The following ACOT12 variants were observed in gnomAD, a reference collection of about 807,000 sequenced individuals.
The protein encoded by ACOT12 is acyl-CoA thioesterase 12.
A neutral mutation model predicts 67.7 loss-of-function variants in ACOT12; 51 were observed. That is an observed-to-expected ratio of 0.75 (90% CI 0.60 to 0.95). The LOEUF is 0.95. ACOT12 is among the 40% of genes least tolerant of loss of function. The probability of loss-of-function intolerance (pLI) is 0.00; values close to 1 mark genes in which losing one functional copy is unlikely to be tolerated. For synonymous variants in ACOT12, 251 were observed against 244.6 expected (o/e 1.03, Z -0.24); for missense variants, 734 against 708.1 (o/e 1.04, Z -0.41).
At chr5:81,369,301 G>A (rs1183915087) in intron 3 of ACOT12, among the ~76,000 whole-genome samples, 1 of 152,166 alleles carries the variant, frequency 6.6e-6, no homozygotes, top group Non-Finnish European at 1.5e-5. Context: ...CTGGAAGTAG[G>A]TTTGGCACAG....
intron 2 of ACOT12, 150 bp from the exon 3 acceptor site, chr5:81,371,960 G>A: frequency 1.5e-6 from 1 of 676,348 alleles, no homozygotes. Context: ...TAATGATAAT[G>A]GAAAAAGACA....
chr5:81,345,171 T>A, intron 7 of ACOT12, 130 bp from the exon 8 acceptor site: 1 of 1,261,664 alleles, frequency 7.9e-7, no homozygotes, highest in African/African-American at 1.5e-5. Flanking sequence ...GGGCCTGGGT[T>A]TTCTTGTTTG....
At chr5:81,343,390 C>T (rs1257238293) in intron 10 of ACOT12, among the ~76,000 whole-genome samples, 1 of 152,212 alleles carries the variant, frequency 6.6e-6, no homozygotes, top group Non-Finnish European at 1.5e-5. Flanking sequence ...TGAGCAAAGA[C>T]AGACTACCTT....
At chr5:81,373,581 C>T (rs1191071586) in intron 2 of ACOT12, among the ~76,000 whole-genome samples, 1 of 152,144 alleles carries the variant, frequency 6.6e-6, no homozygotes, top group Non-Finnish European at 1.5e-5. Flanking sequence ...CTTGGCGGGT[C>T]CCACGCTCAC....
Position 81,335,921 on chromosome 5 carries a change from T to A in ACOT12, c.1129-20A>T, listed in dbSNP as rs376835484. On this transcript the variant is annotated intron_variant, in intron 11 of 14. Transcript: ENST00000307624. ...TTTTATCTAAAAGACAACAAAAAAA[T>A]TAAATTACGAAAGAAAACTGATGCT... 3.8e-4 allele frequency: 610 copies of A among 1,589,958 alleles called. No homozygotes were observed. The highest frequency in any genetic ancestry group is 9.2e-4 in the South Asian group (79 of 86,236).
chr5:81,359,643 C>T (rs1053484175), intron 5 of ACOT12, among the ~76,000 whole-genome samples: 1 of 152,204 alleles, frequency 6.6e-6, no homozygotes, highest in African/African-American at 2.4e-5. Flanking sequence ...TACATGCTTA[C>T]TAATGACTGC....
intron 1 of ACOT12, among the ~76,000 whole-genome samples, chr5:81,390,509 T>C (rs1760834096): frequency 6.6e-6 from 1 of 151,188 alleles, no homozygotes; most frequent in Non-Finnish European, 1.5e-5. Context: ...TCTTTTTCTT[T>C]TGAGATGGAG....
At chr5:81,390,315 T>C (rs1760830595) in intron 1 of ACOT12, among the ~76,000 whole-genome samples, 1 of 151,358 alleles carries the variant, frequency 6.6e-6, no homozygotes, top group Admixed American at 6.6e-5. Context: ...ATAATTTATA[T>C]TGATGTATTT....
In ACOT12 at chr5:81,364,671, C is replaced by T. The variant is rs1760021785; in HGVS notation, c.259-782G>A. Among the ~76,000 whole-genome samples, 3 of 152,170 alleles carry T rather than the reference C, an allele frequency of 2.0e-5. No individual in the cohort carries two copies. The South Asian group carries it at 6.2e-4, about 32-fold the overall frequency. On this transcript the variant is annotated intron_variant, in intron 3 of 14. Transcript: ENST00000307624. ...CTCGATCTCATGACCTCATGATCCA[C>T]CCACTTCGGCCTCCCAAAGTGCTGG...
chr5:81,344,864 A>G (rs954330170), intron 8 of ACOT12, 27 bp downstream of exon 8: 14 of 1,613,130 alleles, frequency 8.7e-6, no homozygotes, highest in Non-Finnish European at 1.2e-5. Context: ...AGGTCCGGCT[A>G]TTGAACCTCG....
At chr5:81,377,314 T>A (rs774570353) in intron 2 of ACOT12, among the ~76,000 whole-genome samples, 2 of 152,138 alleles carry the variant, frequency 1.3e-5, no homozygotes, top group Non-Finnish European at 2.9e-5. Flanking sequence ...AAATTCTCAA[T>A]AAACTGATAT....
chr5:81,314,297 GT>G, the ACOT12 span, among the ~76,000 whole-genome samples: 1 of 152,120 alleles, frequency 6.6e-6, no homozygotes, highest in East Asian at 1.9e-4. Context: ...TAGAGATGGG[GT>G]TTCACCATGT....
intron 9 of ACOT12, 120 bp from the exon 10 acceptor site, chr5:81,344,001 A>G: frequency 8.3e-7 from 1 of 1,206,508 alleles, no homozygotes; most frequent in South Asian, 1.4e-5. Context: ...ACAACGTGGA[A>G]GAACTATTTC....
At chr5:81,389,107 A>G (rs1343641452) in intron 1 of ACOT12, among the ~76,000 whole-genome samples, 1 of 152,238 alleles carries the variant, frequency 6.6e-6, no homozygotes, top group Non-Finnish European at 1.5e-5. Flanking sequence ...AGTGCTCTGA[A>G]GAAAACAGGG....
chr5:81,344,005 C>A, intron 9 of ACOT12, 124 bp from the exon 10 acceptor site: 1 of 1,207,086 alleles, frequency 8.3e-7, no homozygotes, highest in South Asian at 1.4e-5. Flanking sequence ...CGTGGAAGAA[C>A]TATTTCCATA....
chr5:81,369,238 C>A (rs1015000087), intron 3 of ACOT12, among the ~76,000 whole-genome samples: 3 of 151,946 alleles, frequency 2.0e-5, no homozygotes, highest in African/African-American at 7.2e-5. Context: ...GCATCACACA[C>A]CTTCCAGAGG....
chr5:81,322,975 A>C, the ACOT12 span, among the ~76,000 whole-genome samples: 1 of 151,930 alleles, frequency 6.6e-6, no homozygotes, highest in Non-Finnish European at 1.5e-5. Flanking sequence ...ATTCAAGGTG[A>C]AATGTGGGTG....
At chr5:81,325,373 C>T (rs549765058), downstream of ACOT12, among the ~76,000 whole-genome samples, 48 of 152,140 alleles carry the variant, frequency 3.2e-4, no homozygotes, top group African/African-American at 1.1e-3. Flanking sequence ...TTTGTGGTCA[C>T]GAACTTAAAG....
intron 3 of ACOT12, among the ~76,000 whole-genome samples, chr5:81,365,680 A>G (rs1760055960): frequency 6.6e-6 from 1 of 152,240 alleles, no homozygotes; most frequent in Non-Finnish European, 1.5e-5. Context: ...TGGACAAAAT[A>G]TAGGAAGCAT....
Sources: allele counts gnomAD v4.1 joint callset (sites outside exome capture counted in the v4.1 genomes callset), GRCh38; gene constraint gnomAD v4.1.1; transcripts MANE v1.5; gene names NCBI Gene and HGNC (gene_info 2026-07-23, HGNC 2026-07-21).